Variants in RERE observed in about 807,000 individuals in gnomAD.
The protein encoded by RERE is arginine-glutamic acid dipeptide repeats.
A neutral mutation model predicts 146.1 loss-of-function variants in RERE; 40 were observed. The ratio of observed to expected loss-of-function variants is 0.27; its 90% CI spans 0.21 to 0.36. RERE has a LOEUF of 0.36. Among genes scored for constraint, RERE ranks in the 10% least tolerant of loss-of-function variants. RERE has a pLI of 1.00. For synonymous variants in RERE, 1,003 were observed against 866.0 expected (o/e 1.16, Z -2.78); for missense variants, 1,933 against 2,138.7 (o/e 0.90, Z 1.90).
At chr1:8,546,262 T>C (rs1645860663) in intron 6 of RERE, among the ~76,000 whole-genome samples, 1 of 150,548 alleles carries the variant, frequency 6.6e-6, no homozygotes, top group East Asian at 1.9e-4. Context: ...ACTACAGGTG[T>C]GGGCCACCAT....
intron 1 of RERE, among the ~76,000 whole-genome samples, chr1:8,784,860 G>C (rs564700181): frequency 6.6e-6 from 1 of 152,236 alleles, no homozygotes; most frequent in Admixed American, 6.5e-5. Context: ...CAATTTAATG[G>C]CTTGAGAAGC....
intron 1 of RERE, among the ~76,000 whole-genome samples, chr1:8,714,511 G>T (rs1557498701): frequency 6.6e-6 from 1 of 152,138 alleles, no homozygotes; most frequent in Admixed American, 6.5e-5. Context: ...GACATTTTCA[G>T]ACACACACAG....
At chr1:8,388,468 C>T (rs371144754) in intron 12 of RERE, among the ~76,000 whole-genome samples, 2 of 152,080 alleles carry the variant, frequency 1.3e-5, no homozygotes, top group East Asian at 1.9e-4. Flanking sequence ...TACAGGCGCC[C>T]GCCACCGCGC....
At chr1:8,601,005 C>T (rs760039297) in intron 4 of RERE, among the ~76,000 whole-genome samples, 74 of 140,900 alleles carry the variant, frequency 5.3e-4, no homozygotes, top group Non-Finnish European at 6.7e-4. Context: ...CCGCCTGCCT[C>T]GGTCTCCCAA....
At chr1:8,365,650 C>T (rs932193903) in intron 13 of RERE, among the ~76,000 whole-genome samples, 162 bp downstream of exon 13, 8 of 152,226 alleles carry the variant, frequency 5.3e-5, no homozygotes, top group Admixed American at 5.2e-4. Flanking sequence ...CCCGCCCCCA[C>T]CATCGGTCTA....
intron 11 of RERE, chr1:8,429,850 G>A (rs910887380): frequency 6.6e-6 from 1 of 152,566 alleles, no homozygotes; most frequent in Non-Finnish European, 1.5e-5. Context: ...AGGCAGATCT[G>A]CTAGTAAGCA....
chr1:8,594,690 GAAT>G (rs1441402752), intron 4 of RERE, among the ~76,000 whole-genome samples: 1 of 151,998 alleles, frequency 6.6e-6, no homozygotes, highest in African/African-American at 2.4e-5. Flanking sequence ...AAGACAGTTT[GAAT>G]AATAATGTCA....
chr1:8,432,258 GATT>G (rs1333932146), intron 11 of RERE, among the ~76,000 whole-genome samples: 6 of 152,000 alleles, frequency 3.9e-5, no homozygotes, highest in Admixed American at 3.3e-4. Flanking sequence ...ACCCCATCCT[GATT>G]CCTTTCCCTG....
At chr1:8,404,127 C>CT (rs200010060) in intron 12 of RERE, among the ~76,000 whole-genome samples, 1,662 of 151,884 alleles carry the variant, frequency 0.011, 32 homozygotes, top group African/African-American at 0.038. Flanking sequence ...CTGCACCCAG[C>CT]TTTTTTTTAA....
intron 12 of RERE, among the ~76,000 whole-genome samples, chr1:8,371,793 C>CAT (rs1184259928): frequency 6.6e-6 from 1 of 152,208 alleles, no homozygotes; most frequent in Admixed American, 6.5e-5. Context: ...TGCCTGTACC[C>CAT]ATTTCAGGTA....
chr1:8,485,755 A>C (rs1644890363), intron 10 of RERE, among the ~76,000 whole-genome samples: 1 of 152,010 alleles, frequency 6.6e-6, no homozygotes, highest in Admixed American at 6.6e-5. Context: ...TGAAGCAAAA[A>C]TTAACAGAAT....
chr1:8,698,509 T>C (rs1639381220), intron 1 of RERE, among the ~76,000 whole-genome samples: 1 of 152,172 alleles, frequency 6.6e-6, no homozygotes, highest in South Asian at 2.1e-4. Flanking sequence ...TTTTGTTCCT[T>C]TGAAGCCCAC....
At chr1:8,795,172 C>A (rs778628414) in intron 1 of RERE, among the ~76,000 whole-genome samples, 1 of 151,824 alleles carries the variant, frequency 6.6e-6, no homozygotes, top group African/African-American at 2.4e-5. Flanking sequence ...ATTACAGGTG[C>A]CTGCCACCAT....
chr1:8,707,918 G>T (rs1375489011), intron 1 of RERE, among the ~76,000 whole-genome samples: 2 of 152,092 alleles, frequency 1.3e-5, no homozygotes, highest in Non-Finnish European at 2.9e-5. Context: ...ACTTTGAGAG[G>T]CCACATTCAT....
At chr1:8,701,283 G>A (rs74050273) in intron 1 of RERE, among the ~76,000 whole-genome samples, 3,920 of 129,126 alleles carry the variant, frequency 0.03, 160 homozygotes, top group African/African-American at 0.1. Flanking sequence ...GGGGGTGAGG[G>A]GAATACACAC....
At chr1:8,421,888 G>A (rs576236406) in intron 12 of RERE, among the ~76,000 whole-genome samples, 4 of 152,110 alleles carry the variant, frequency 2.6e-5, no homozygotes, top group South Asian at 2.1e-4. Flanking sequence ...TCCTCCCTTC[G>A]CCTTCAGACA....
intron 11 of RERE, 54 bp downstream of exon 11, chr1:8,465,871 G>C (rs267598738): frequency 1.4e-6 from 2 of 1,480,266 alleles, no homozygotes; most frequent in African/African-American, 1.4e-5. Context: ...CACACACTGA[G>C]ACGCCGGTGG....
chr1:8,712,626 T>C (rs145623621), intron 1 of RERE, among the ~76,000 whole-genome samples: 4 of 152,330 alleles, frequency 2.6e-5, no homozygotes, highest in East Asian at 1.9e-4. Flanking sequence ...GTAGCAGACA[T>C]TGAACAAACA....
chr1:8,730,642 C>A (rs1244695480), intron 1 of RERE, among the ~76,000 whole-genome samples: 2 of 152,102 alleles, frequency 1.3e-5, no homozygotes, highest in Non-Finnish European at 2.9e-5. Flanking sequence ...TACGCCCAGT[C>A]TGGTTTTGTT....
Sources: gnomAD v4.1 joint callset for allele counts (sites outside exome capture counted in the v4.1 genomes callset) on GRCh38, gnomAD v4.1.1 for gene constraint, MANE v1.5 for transcripts, NCBI Gene and HGNC (gene_info 2026-07-23, HGNC 2026-07-21) for gene names.